The following SHISA9 variants were observed in gnomAD, a reference collection of about 807,000 sequenced individuals.
SHISA9 encodes shisa family member 9.
SHISA9 carries 13 observed loss-of-function variants against 38.0 expected under a neutral mutation model. The observed-to-expected ratio is 0.34, with a 90% CI of 0.22 to 0.54. The LOEUF (loss-of-function observed/expected upper bound fraction) is 0.54, where lower values mean the gene tolerates loss of function less well. SHISA9 is among the 20% of genes least tolerant of loss of function. SHISA9 has a pLI of 0.91. For missense variants in SHISA9, 538 were observed against 575.8 expected (o/e 0.93, Z 0.67); for synonymous variants, 275 against 242.0 (o/e 1.14, Z -1.27).
intron 2 of SHISA9, among the ~76,000 whole-genome samples, chr16:13,168,285 T>C (rs1487999482): frequency 6.6e-6 from 1 of 152,228 alleles, no homozygotes; most frequent in Non-Finnish European, 1.5e-5. Context: ...GTAGCAGCGA[T>C]GAATAAACCT....
the SHISA9 span, among the ~76,000 whole-genome samples, chr16:13,411,045 A>G: frequency 6.6e-6 from 1 of 152,218 alleles, no homozygotes; most frequent in Non-Finnish European, 1.5e-5. Context: ...GGTGATTCAT[A>G]CTAATGGAAT....
At chr16:13,165,408 G>A (rs1395621343) in intron 2 of SHISA9, among the ~76,000 whole-genome samples, 1 of 152,134 alleles carries the variant, frequency 6.6e-6, no homozygotes, top group Admixed American at 6.5e-5. Flanking sequence ...ATATATAGTA[G>A]TTGCTATCAT....
chr16:12,925,846 C>T (rs906033056), intron 2 of SHISA9, among the ~76,000 whole-genome samples: 1 of 152,008 alleles, frequency 6.6e-6, no homozygotes, highest in African/African-American at 2.4e-5. Context: ...AAAACAATTG[C>T]TTTTTTTCTG....
At chr16:13,309,148 A>G in the SHISA9 span, among the ~76,000 whole-genome samples, 1 of 152,132 alleles carries the variant, frequency 6.6e-6, no homozygotes, top group African/African-American at 2.4e-5. Context: ...GGTTTTTTCA[A>G]GTGCCTTTAA....
intron 2 of SHISA9, among the ~76,000 whole-genome samples, chr16:13,038,881 C>T (rs554130912): frequency 6.6e-6 from 1 of 152,178 alleles, no homozygotes; most frequent in African/African-American, 2.4e-5. Context: ...GTACCTGTCT[C>T]TGTTTCTTTA....
chr16:13,336,568 T>C, the SHISA9 span, among the ~76,000 whole-genome samples: 1 of 152,226 alleles, frequency 6.6e-6, no homozygotes, highest in Non-Finnish European at 1.5e-5. Context: ...TTACATTCTC[T>C]CCTTCTCAAG....
chr16:13,473,353 T>TC, the SHISA9 span, among the ~76,000 whole-genome samples: 1 of 142,762 alleles, frequency 7.0e-6, no homozygotes, highest in East Asian at 2.0e-4. Context: ...TTCTTTCTTT[T>TC]TTTTTTTTTT....
At chr16:13,045,476 T>C (rs1324910919) in intron 2 of SHISA9, among the ~76,000 whole-genome samples, 4 of 152,190 alleles carry the variant, frequency 2.6e-5, no homozygotes, top group Non-Finnish European at 5.9e-5. Flanking sequence ...TCATGAGTAA[T>C]GCAAGATTAT....
intron 2 of SHISA9, among the ~76,000 whole-genome samples, chr16:13,156,142 A>G (rs1323732192): frequency 6.6e-6 from 1 of 152,110 alleles, no homozygotes; most frequent in African/African-American, 2.4e-5. Context: ...CCTTCCTGGC[A>G]TTCTTCATGT....
At chr16:13,066,579 G>A (rs375850717) in intron 2 of SHISA9, among the ~76,000 whole-genome samples, 6 of 152,270 alleles carry the variant, frequency 3.9e-5, no homozygotes, top group South Asian at 2.1e-4. Flanking sequence ...GGGTTAATGC[G>A]GGAAGGTCAC....
intron 2 of SHISA9, among the ~76,000 whole-genome samples, chr16:13,017,021 C>A (rs578166563): frequency 6.7e-6 from 1 of 148,972 alleles, no homozygotes; most frequent in Non-Finnish European, 1.5e-5. Flanking sequence ...TTTCTTTTTT[C>A]TTTCTTTTTT....
the SHISA9 span, among the ~76,000 whole-genome samples, chr16:13,531,288 G>C: frequency 6.6e-6 from 1 of 152,130 alleles, no homozygotes. Flanking sequence ...AAAATGATTA[G>C]CTCTTAACAC....
At chr16:13,072,240 T>C (rs1430065081) in intron 2 of SHISA9, among the ~76,000 whole-genome samples, 1 of 152,238 alleles carries the variant, frequency 6.6e-6, no homozygotes, top group African/African-American at 2.4e-5. Context: ...CAGTACCCAA[T>C]GCAGGTAAGC....
intron 2 of SHISA9, among the ~76,000 whole-genome samples, chr16:13,126,659 C>G: frequency 1.6e-5 from 2 of 123,840 alleles, no homozygotes; most frequent in Non-Finnish European, 3.3e-5. Flanking sequence ...GAGAGAGAGA[C>G]TGAGGAAGGG....
intron 2 of SHISA9, among the ~76,000 whole-genome samples, chr16:13,139,582 A>G (rs1458351104): frequency 6.6e-6 from 1 of 151,870 alleles, no homozygotes; most frequent in Non-Finnish European, 1.5e-5. Flanking sequence ...GAAGCCTGCT[A>G]TAAACAGAGT....
the SHISA9 span, among the ~76,000 whole-genome samples, chr16:13,465,615 G>T: frequency 6.6e-6 from 1 of 152,188 alleles, no homozygotes; most frequent in Non-Finnish European, 1.5e-5. Context: ...GAAGGGGAAG[G>T]ATGCTAGGGA....
chr16:13,514,473 T>C, the SHISA9 span, among the ~76,000 whole-genome samples: 1 of 152,156 alleles, frequency 6.6e-6, no homozygotes, highest in Non-Finnish European at 1.5e-5. Context: ...TCTAATTTGT[T>C]CAGGAATGTG....
chr16:13,121,970 C>T (rs1352601221), intron 2 of SHISA9, among the ~76,000 whole-genome samples: 1 of 151,932 alleles, frequency 6.6e-6, no homozygotes, highest in African/African-American at 2.4e-5. Context: ...AAAGCAATCC[C>T]GTGAGGATTG....
At chr16:13,094,964 G>T (rs2073811114) in intron 2 of SHISA9, among the ~76,000 whole-genome samples, 1 of 152,150 alleles carries the variant, frequency 6.6e-6, no homozygotes, top group Non-Finnish European at 1.5e-5. Context: ...CAAACAGTAG[G>T]TCCTCAGTAA....
Sources: gnomAD v4.1 joint callset for allele counts (sites outside exome capture counted in the v4.1 genomes callset) on GRCh38, gnomAD v4.1.1 for gene constraint, MANE v1.5 for transcripts, NCBI Gene and HGNC (gene_info 2026-07-23, HGNC 2026-07-21) for gene names.